Variants in ANKRD13A observed in about 807,000 individuals in gnomAD.
ANKRD13A encodes ankyrin repeat domain 13A.
In ANKRD13A, 48 loss-of-function variants were observed where a neutral mutation model predicts 81.3. That is an observed-to-expected ratio of 0.59 (90% CI 0.47 to 0.75). ANKRD13A has a LOEUF of 0.75. Among genes scored for constraint, ANKRD13A ranks in the 30% least tolerant of loss-of-function variants. ANKRD13A has a pLI of 0.00. For missense variants in ANKRD13A, 612 were observed against 734.0 expected (o/e 0.83, Z 1.92); for synonymous variants, 230 against 270.1 (o/e 0.85, Z 1.45).
In ANKRD13A at chr12:110,013,145, A is replaced by G. The variant is rs1282943008; in HGVS notation, c.250A>G (p.Thr84Ala). The G allele has an allele frequency of 6.2e-7, 1 of 1,614,210 alleles. No individual in the cohort carries two copies. Among genetic ancestry groups the G allele is most frequent in the South Asian group, 1.1e-5 (1 of 91,086 alleles). ...TCTAGTTTTACATGAGGCTGTGAGCACTGGCGATCCTGAGATGGTGTACAC... is the reference window on the plus strand; with the variant it reads ...TCTAGTTTTACATGAGGCTGTGAGCGCTGGCGATCCTGAGATGGTGTACAC... ...GWTVLHEAVS[T>A]GDPEMVYTVL... The change falls in exon 3 of 15, where the codon ACT (threonine) becomes GCT (alanine). Residue 84 changes from threonine to alanine, a missense_variant. Coordinates refer to ENST00000261739, the MANE Select transcript of ANKRD13A (RefSeq NM_033121.2).
chr12:110,022,878 G>A (rs904212314), intron 6 of ANKRD13A, among the ~76,000 whole-genome samples: 4 of 152,122 alleles, frequency 2.6e-5, no homozygotes, highest in Admixed American at 6.5e-5. Context: ...TTCCATCCAC[G>A]GGTTGTGCTG....
In ANKRD13A at chr12:110,033,648, C is replaced by A. The variant is rs931070869; in HGVS notation, c.1349-149C>A. On this transcript the variant is annotated intron_variant, in intron 12 of 14. Transcript: ENST00000261739. ...GCTGTATTCTGTCACTTTTTTCTGT[C>A]ATGCTTCCTCAGAATCTCTCATATA... The A allele has an allele frequency of 3.2e-5, 22 of 696,428 alleles. No homozygotes were observed. The African/African-American group carries it at 3.9e-4, about 12-fold the overall frequency. The allele number at this position is 696,428 out of a possible 1,614,324, so 43.1% of individuals were successfully genotyped here. A position where few individuals can be genotyped will look rare whatever the true frequency, so the allele number is the denominator to read the frequency against.
At chr12:110,013,783 T>G (rs557623933) in intron 3 of ANKRD13A, among the ~76,000 whole-genome samples, 2 of 151,532 alleles carry the variant, frequency 1.3e-5, no homozygotes, top group South Asian at 4.2e-4. Context: ...GAGCAAGACC[T>G]AAAATAATAA....
At position 110,036,799 on chromosome 12, in the gene ANKRD13A, GTTACTT is replaced by G. The variant is rs1197140725; in HGVS notation, c.1577+472_1577+477del. Reference sequence around the variant, plus strand: ...GGCTCTCTTGCTTCCTCTTGTGGCAGTTACTTATAATAACTCTAGACTCTTGATAGC... The same window carrying G: ...GGCTCTCTTGCTTCCTCTTGTGGCAGATAATAACTCTAGACTCTTGATAGC... On this transcript the variant is annotated intron_variant, in intron 14 of 14. Transcript: ENST00000261739. This position sits in a 1 kb window ranked among gnomAD's most constrained non-coding sequence, Gnocchi z 4.6. Among the ~76,000 whole-genome samples the G allele has an allele frequency of 1.3e-5, 2 of 152,142 alleles. No homozygotes were observed. Among genetic ancestry groups the G allele is most frequent in the African/African-American group, 2.4e-5 (1 of 41,434 alleles).
intron 12 of ANKRD13A, among the ~76,000 whole-genome samples, chr12:110,033,061 T>C (rs934547860): frequency 1.5e-4 from 22 of 149,596 alleles, no homozygotes; most frequent in African/African-American, 4.7e-4. Context: ...TTTTCTTTTT[T>C]TTTTTTTTTT....
At chr12:110,025,271 G>T (rs142537136) in intron 7 of ANKRD13A, among the ~76,000 whole-genome samples, 2,285 of 151,538 alleles carry the variant, frequency 0.015, 51 homozygotes, top group African/African-American at 0.052. Flanking sequence ...CACGAGAATC[G>T]CTTGAACCCA....
intron 6 of ANKRD13A, among the ~76,000 whole-genome samples, chr12:110,020,640 G>T (rs1254675081): frequency 6.6e-6 from 1 of 152,220 alleles, no homozygotes; most frequent in African/African-American, 2.4e-5. Flanking sequence ...GCCTTGGAAA[G>T]ACATTTCCAG....
At chr12:110,034,835 G>C (rs978894180) in intron 13 of ANKRD13A, among the ~76,000 whole-genome samples, 1 of 152,154 alleles carries the variant, frequency 6.6e-6, no homozygotes, top group Non-Finnish European at 1.5e-5. Flanking sequence ...TCTTCATTCA[G>C]ATATTTGCAG....
chr12:110,017,909 G>A (rs1434496091), intron 4 of ANKRD13A, among the ~76,000 whole-genome samples: 1 of 151,636 alleles, frequency 6.6e-6, no homozygotes, highest in African/African-American at 2.4e-5. Context: ...TCCAGCCTGG[G>A]CGACAGGGTG....
intron 6 of ANKRD13A, chr12:110,021,090 G>A (rs1004491061): frequency 4.4e-6 from 2 of 456,238 alleles, no homozygotes; most frequent in African/African-American, 4.0e-5. Flanking sequence ...GGCACATTTT[G>A]TATTTTTGTG....
chr12:110,034,397 GA>G (rs1891898711), intron 13 of ANKRD13A, among the ~76,000 whole-genome samples: 1 of 152,136 alleles, frequency 6.6e-6, no homozygotes, highest in Non-Finnish European at 1.5e-5. Context: ...GGTCTCTAGT[GA>G]AACAGAAAAT....
chr12:110,027,871 G>A (rs1312351233), intron 9 of ANKRD13A, 105 bp downstream of exon 9: 3 of 1,057,080 alleles, frequency 2.8e-6, no homozygotes, highest in African/African-American at 1.6e-5. Context: ...TCTATGTAAA[G>A]GCCAAAGATA....
intron 13 of ANKRD13A, among the ~76,000 whole-genome samples, chr12:110,035,556 T>C (rs1162592991): frequency 6.6e-6 from 1 of 151,978 alleles, no homozygotes; most frequent in African/African-American, 2.4e-5. Context: ...TTCAAGTGAT[T>C]CTCATGCCTC....
chr12:110,003,868 A>T lies in ANKRD13A; in HGVS notation c.96+4084A>T, dbSNP rs543416997. ...TAAGACTCCGTCTCCTTAAAAAAAA[A>T]TTTTTTTTGGCTGGGCACGGTGGCT... On this transcript the variant is annotated intron_variant, in intron 1 of 14. Transcript: ENST00000261739. Among the ~76,000 whole-genome samples, 132 of 151,980 alleles carry T rather than the reference A, an allele frequency of 8.7e-4. 1 individual carries two copies. Among genetic ancestry groups the T allele is most frequent in the Non-Finnish European group, 1.2e-3 (81 of 67,924 alleles).
At chr12:110,011,929 G>T in intron 1 of ANKRD13A, 76 bp from the exon 2 acceptor site, 1 of 1,409,894 alleles carries the variant, frequency 7.1e-7, no homozygotes. Flanking sequence ...TTTTGTACTT[G>T]AAATATCTGT....
At chr12:110,029,716 C>A in intron 11 of ANKRD13A, 81 bp downstream of exon 11, 1 of 1,533,930 alleles carries the variant, frequency 6.5e-7, no homozygotes, top group Non-Finnish European at 9.0e-7. Flanking sequence ...CAGGATGCTT[C>A]AGGGAATTGG....
intron 13 of ANKRD13A, among the ~76,000 whole-genome samples, chr12:110,034,696 A>T (rs1164704034): frequency 6.6e-6 from 1 of 150,498 alleles, no homozygotes. Flanking sequence ...CCTAACATCA[A>T]CTCCTTCCAT....
chr12:110,030,323 C>T (rs907715517), intron 11 of ANKRD13A, among the ~76,000 whole-genome samples: 12 of 152,012 alleles, frequency 7.9e-5, no homozygotes, highest in Admixed American at 5.2e-4. Flanking sequence ...TGCATCACCA[C>T]GCCCAGCTAA....
intron 1 of ANKRD13A, among the ~76,000 whole-genome samples, chr12:110,004,081 C>G (rs774130935): frequency 7.9e-5 from 12 of 151,736 alleles, no homozygotes; most frequent in Non-Finnish European, 1.6e-4. Context: ...TCGCTTGAAC[C>G]TGGGAGGCGG....
Sources: gnomAD v4.1 joint callset for allele counts (sites outside exome capture counted in the v4.1 genomes callset) on GRCh38, gnomAD v4.1.1 for gene constraint, Gnocchi (gnomAD v3.1) non-coding constraint, MANE v1.5 for transcripts, NCBI Gene and HGNC (gene_info 2026-07-23, HGNC 2026-07-21) for gene names.